The following NETO1 variants were observed in gnomAD, a reference collection of about 807,000 sequenced individuals.
The protein encoded by NETO1 is neuropilin and tolloid-like protein 1.
In NETO1, 26 loss-of-function variants were observed where a neutral mutation model predicts 61.3. The ratio of observed to expected loss-of-function variants is 0.42; its 90% confidence interval spans 0.31 to 0.59. The LOEUF (loss-of-function observed/expected upper bound fraction) is 0.59, where lower values mean the gene tolerates loss of function less well. Ranked by LOEUF, NETO1 falls within the 20% of genes least tolerant of loss-of-function variation. The pLI, the probability that NETO1 is intolerant of heterozygous loss-of-function variation, is 0.12. For synonymous variants in NETO1, 225 were observed against 225.8 expected (o/e 1.00, Z 0.03); for missense variants, 531 against 662.8 (o/e 0.80, Z 2.18).
chr18:72,804,162 T>C (rs2072599164), intron 4 of NETO1, among the ~76,000 whole-genome samples: 1 of 152,152 alleles, frequency 6.6e-6, no homozygotes, highest in African/African-American at 2.4e-5. Context: ...AAATGGCTAA[T>C]ATAATAAATA....
intron 7 of NETO1, among the ~76,000 whole-genome samples, chr18:72,779,710 C>G (rs2071673964): frequency 6.6e-6 from 1 of 152,188 alleles, no homozygotes; most frequent in Admixed American, 6.5e-5. Context: ...TGGTAGAATT[C>G]TGCATAATTT....
chr18:72,802,969 A>C (rs1222781726), intron 4 of NETO1, among the ~76,000 whole-genome samples: 1 of 152,218 alleles, frequency 6.6e-6, no homozygotes, highest in Non-Finnish European at 1.5e-5. Flanking sequence ...CTTAAGAACA[A>C]GCACCTTGTA....
chr18:72,800,750 A>T (rs2072478489), intron 4 of NETO1, among the ~76,000 whole-genome samples: 1 of 152,120 alleles, frequency 6.6e-6, no homozygotes, highest in African/African-American at 2.4e-5. Flanking sequence ...TCTATCTAGG[A>T]CCTAGAACAG....
intron 3 of NETO1, among the ~76,000 whole-genome samples, chr18:72,863,606 ATTCAAC>A (rs2074646113): frequency 6.6e-6 from 1 of 152,150 alleles, no homozygotes; most frequent in Non-Finnish European, 1.5e-5. Context: ...TTTGCTGAAA[ATTCAAC>A]TTCAAGTAGT....
At chr18:72,860,858 A>G (rs924400249) in intron 3 of NETO1, among the ~76,000 whole-genome samples, 1 of 152,208 alleles carries the variant, frequency 6.6e-6, no homozygotes, top group African/African-American at 2.4e-5. Flanking sequence ...CCATTTATGT[A>G]TCAGTACTAA....
In NETO1 at chr18:72,840,976, G is replaced by C. The variant is rs572735408; in HGVS notation, c.469+17850C>G. Among the ~76,000 whole-genome samples, 34 of 152,240 alleles carry C rather than the reference G, an allele frequency of 2.2e-4. 1 individual carries two copies. The highest frequency in any genetic ancestry group is 1.9e-3 in the South Asian group (9 of 4,818). On this transcript the variant is annotated intron_variant, in intron 4 of 10. Transcript: ENST00000327305. ...ACTCTTCTACATAATTTTCAAAAGAGGGAGTTCTTTCCTTGCCCCTATTAG... is the reference window on the plus strand; with the variant it reads ...ACTCTTCTACATAATTTTCAAAAGACGGAGTTCTTTCCTTGCCCCTATTAG...
intron 6 of NETO1, among the ~76,000 whole-genome samples, chr18:72,790,140 T>C (rs1489838150): frequency 6.6e-6 from 1 of 152,174 alleles, no homozygotes; most frequent in East Asian, 1.9e-4. Context: ...AGTTTTATTA[T>C]CCAAAAACAT....
chr18:72,833,292 C>G (rs1419343473), intron 4 of NETO1, among the ~76,000 whole-genome samples: 6 of 152,066 alleles, frequency 3.9e-5, no homozygotes, highest in African/African-American at 1.2e-4. Flanking sequence ...TGGTTAAATC[C>G]TCCTACTTTA....
At position 72,745,672 on chromosome 18, in the gene NETO1, C is replaced by A. The variant is rs974341757; in HGVS notation, c.*2507G>T. The A allele has an allele frequency of 6.6e-6, 1 of 152,136 alleles. No individual in the cohort carries two copies. Among genetic ancestry groups the A allele is most frequent in the Non-Finnish European group, 1.5e-5 (1 of 68,020 alleles). The allele number at this position is 152,136 out of a possible 1,614,324, so 9.4% of individuals were successfully genotyped here. A position where few individuals can be genotyped will look rare whatever the true frequency, so the allele number is the denominator to read the frequency against. On this transcript the variant is annotated 3_prime_UTR_variant, in exon 11 of 11. Transcript: ENST00000327305. ...ATAAGGTCTGATATAGCTACTAAAT[C>A]GTTTTTGATATATTGACAAATTTCA...
At chr18:72,802,481 A>G (rs1380652341) in intron 4 of NETO1, among the ~76,000 whole-genome samples, 1 of 152,254 alleles carries the variant, frequency 6.6e-6, no homozygotes, top group African/African-American at 2.4e-5. Context: ...TAAAAAATGA[A>G]CGGATGTACA....
At chr18:72,865,769 A>G in intron 1 of NETO1, 1 of 1,356,576 alleles carries the variant, frequency 7.4e-7, no homozygotes, top group Admixed American at 2.5e-5. Context: ...GAAACAGATT[A>G]ATGTGGATTG....
intron 4 of NETO1, among the ~76,000 whole-genome samples, chr18:72,817,626 GTATTAA>G (rs1199416251): frequency 2.6e-5 from 4 of 152,258 alleles, no homozygotes; most frequent in Non-Finnish European, 5.9e-5. Context: ...GTAGCACCAA[GTATTAA>G]TACCGAATGC....
At chr18:72,827,863 T>C (rs2073435439) in intron 4 of NETO1, among the ~76,000 whole-genome samples, 2 of 152,126 alleles carry the variant, frequency 1.3e-5, no homozygotes, top group Admixed American at 1.3e-4. Context: ...GGAAAAGAAC[T>C]CCAAAGGGAA....
intron 10 of NETO1, among the ~76,000 whole-genome samples, 167 bp downstream of exon 10, chr18:72,748,847 T>C (rs1373200890): frequency 6.6e-6 from 1 of 152,108 alleles, no homozygotes; most frequent in East Asian, 1.9e-4. Flanking sequence ...CCGAGAATCA[T>C]CTCTCCTATA....
chr18:72,778,798 G>A (rs998858516), intron 7 of NETO1, among the ~76,000 whole-genome samples: 1 of 152,086 alleles, frequency 6.6e-6, no homozygotes, highest in South Asian at 2.1e-4. Flanking sequence ...TCATGGCAAC[G>A]TAAATGTTTT....
In NETO1 at chr18:72,797,741, G is replaced by C. The variant is rs139742861; in HGVS notation, c.470-3337C>G. ...GCATCTTAACGCCCTGTGAGTTCTT[G>C]ACCTTGGTCCCTGGCTCCATGCTGC... On this transcript the variant is annotated intron_variant, in intron 4 of 10. Coordinates refer to ENST00000327305, the MANE Select transcript of NETO1 (RefSeq NM_138966.5). Among the ~76,000 whole-genome samples the C allele has an allele frequency of 1.1e-3, 172 of 152,212 alleles. 2 individuals are homozygous for C. In the East Asian group the frequency reaches 0.02, roughly 18 times the overall value.
chr18:72,814,199 G>A (rs1247172122), intron 4 of NETO1, among the ~76,000 whole-genome samples: 2 of 152,106 alleles, frequency 1.3e-5, no homozygotes, highest in African/African-American at 4.8e-5. Context: ...AAATGTGTGG[G>A]TAAACAGATG....
chr18:72,834,362 T>C (rs1355102575), intron 4 of NETO1: 5 of 918,242 alleles, frequency 5.4e-6, no homozygotes, highest in Non-Finnish European at 5.2e-6. Flanking sequence ...AGACATTAAA[T>C]AGGTAAAGGT....
At chr18:72,794,006 G>T in intron 6 of NETO1, 111 bp downstream of exon 6, 1 of 1,367,076 alleles carries the variant, frequency 7.3e-7, no homozygotes, top group Non-Finnish European at 1.0e-6. Context: ...CATAGCCTTT[G>T]ATGGCTGCAC....
Sources: allele counts gnomAD v4.1 joint callset (sites outside exome capture counted in the v4.1 genomes callset), GRCh38; gene constraint gnomAD v4.1.1; transcripts MANE v1.5; gene names NCBI Gene and HGNC (gene_info 2026-07-23, HGNC 2026-07-21).